RYR1: variants seen among roughly 807,000 people sequenced by gnomAD.
The protein encoded by RYR1 is central core disease of muscle.
RYR1 carries 342 observed loss-of-function variants against 583.5 expected under a neutral mutation model. The observed-to-expected ratio is 0.59, with a 90% CI of 0.54 to 0.64. The LOEUF (loss-of-function observed/expected upper bound fraction) is 0.64. Among genes scored for constraint, RYR1 ranks in the 30% least tolerant of loss-of-function variants. The probability of loss-of-function intolerance (pLI) is 0.00; values close to 1 mark genes in which losing one functional copy is unlikely to be tolerated. For missense variants in RYR1, 6,032 were observed against 6,917.2 expected, an observed-to-expected ratio of 0.87 and a Z score of 4.54; for synonymous variants, 2,791 against 2,822.5, an observed-to-expected ratio of 0.99 and a Z score of 0.35.
intron 20 of RYR1, among the ~76,000 whole-genome samples, chr19:38,463,137 A>G (rs7247169): frequency 0.54 from 28,363 of 52,508 alleles, 9,563 homozygotes; most frequent in Non-Finnish European, 0.61. Flanking sequence ...ACCTCAGGCG[A>G]TCTGCCCCCC....
intron 97 of RYR1, among the ~76,000 whole-genome samples, chr19:38,576,435 T>A (rs138641208): frequency 6.7e-6 from 1 of 149,762 alleles, no homozygotes; most frequent in African/African-American, 2.5e-5. Flanking sequence ...GGTGAAAGAG[T>A]GAGACCTCAT....
rs577203385 is a variant in RYR1 at position 38,467,701 on chromosome 19, G to A, written c.3270G>A (p.Glu1090=). 17 of 1,614,122 alleles carry A rather than the reference G, an allele frequency of 1.1e-5. No individual in the cohort carries two copies. Among genetic ancestry groups the A allele is most frequent in the Non-Finnish European group, 1.4e-5 (16 of 1,180,046 alleles). Residue 1090 remains glutamate (E), a synonymous_variant, in exon 25 of 106, where the codon GAG becomes GAA. Transcript: ENST00000359596. The stretch of plus-strand genomic sequence containing the variant: ...TGCAGAGCGGCCGCTGGTACTTCGA[G>A]TTTGAAGCAGTCACCACAGGCGAGA... ...YTVQSGRWYF[E]FEAVTTGEMR...
chr19:38,475,227 G>A (rs1968657166), intron 28 of RYR1, 91 bp from the exon 29 acceptor site: 8 of 1,513,226 alleles, frequency 5.3e-6, no homozygotes, highest in Admixed American at 3.9e-5. Flanking sequence ...GAAGCAGGGT[G>A]TATCCAAGCT....
chr19:38,580,184 G>T (rs1974135338), intron 100 of RYR1, 56 bp downstream of exon 100: 10 of 1,612,480 alleles, frequency 6.2e-6, no homozygotes, highest in African/African-American at 1.3e-5. Context: ...CGTGGCAGTG[G>T]GTGGTGAAGG....
chr19:38,570,380 CG>C (rs1314069291), intron 93 of RYR1, among the ~76,000 whole-genome samples: 2 of 144,352 alleles, frequency 1.4e-5, no homozygotes, highest in East Asian at 4.2e-4. Flanking sequence ...TGAACCCGGG[CG>C]GCAGAGGTTG....
Position 38,548,328 on chromosome 19 carries a change from T to C in RYR1, c.12190T>C (p.Phe4064Leu), listed in dbSNP as rs1601003804. ...VEMILKFFDM[F>L]LKLKDIVGSE... ...GATGATCCTCAAGTTCTTCGACATGTTCCTGAAACTCAAGGACATTGTGGG... is the reference window on the plus strand; with the variant it reads ...GATGATCCTCAAGTTCTTCGACATGCTCCTGAAACTCAAGGACATTGTGGG... The change falls in exon 89 of 106, where the codon TTC becomes CTC. Residue 4064 changes from phenylalanine (F) to leucine (L), a missense_variant. By Grantham distance (22) the Phe-to-Leu change is conservative. This residue lies in a region of RYR1 where 753 missense variants were observed against 759.6 expected (regional missense o/e 0.99). Transcript: ENST00000359596. The C allele has an allele frequency of 6.2e-7, 1 of 1,614,204 alleles. No homozygotes were observed. The highest frequency in any genetic ancestry group is 8.5e-7 in the Non-Finnish European group (1 of 1,180,030).
At chr19:38,519,980 G>A (rs1971149389) in intron 67 of RYR1, among the ~76,000 whole-genome samples, 1 of 150,856 alleles carries the variant, frequency 6.6e-6, no homozygotes, top group Admixed American at 6.6e-5. Context: ...GCTGGCCAGT[G>A]TGATTTTTTT....
intron 23 of RYR1, 152 bp from the exon 24 acceptor site, chr19:38,465,939 C>T: frequency 2.5e-6 from 2 of 800,818 alleles, no homozygotes; most frequent in Non-Finnish European, 4.0e-6. Flanking sequence ...GATCTCAAAA[C>T]TTATTCTAAA....
At chr19:38,585,204 C>A in intron 102 of RYR1, 105 bp downstream of exon 102, 1 of 1,365,918 alleles carries the variant, frequency 7.3e-7, no homozygotes, top group Non-Finnish European at 1.0e-6. Context: ...CCATCTCTAC[C>A]TCTCGCTACT....
rs768702294 is a variant in RYR1 at position 38,502,647 on chromosome 19, C to T, written c.7755C>T (p.Thr2585=). 1.4e-5 allele frequency: 23 copies of T among 1,612,478 alleles called. No individual in the cohort carries two copies. The East Asian group carries it at 2.5e-4, about 17-fold the overall frequency. ...TCATGGTGGACTCTATGCTGCATAC[C>T]GTGTACCGCCTGTCTCGGGGTCGTT... ...RAIMVDSMLH[T]VYRLSRGRSL... The change falls in exon 48 of 106, where the codon ACC becomes ACT. Residue 2585 remains threonine, a synonymous_variant. Transcript: ENST00000359596.
chr19:38,524,032 C>T (rs1418750778), intron 70 of RYR1, 103 bp downstream of exon 70: 9 of 1,338,134 alleles, frequency 6.7e-6, no homozygotes, highest in South Asian at 6.3e-5. Flanking sequence ...TTCTGTTCCC[C>T]ACCCCCGTCC....
In RYR1 at chr19:38,496,974, G is replaced by A. The variant is rs1270439729; in HGVS notation, c.6891+20G>A. 6.2e-7 allele frequency: 1 copy of A among 1,603,164 alleles called. No homozygotes were observed. Among genetic ancestry groups the A allele is most frequent in the Non-Finnish European group, 8.5e-7 (1 of 1,170,742 alleles). Reference sequence around the variant, plus strand: ...GAAAAGGTGTGGAGGGCAGGGCTGGGCCCCAGGCCTAAGGGAGGAAATCGG... The same window carrying A: ...GAAAAGGTGTGGAGGGCAGGGCTGGACCCCAGGCCTAAGGGAGGAAATCGG... On this transcript the variant is annotated intron_variant, in intron 42 of 105. Transcript: ENST00000359596. This position sits in a 1 kb window ranked among gnomAD's most constrained non-coding sequence, Gnocchi z 4.8.
At chr19:38,446,827 G>C (rs1972966676) in intron 9 of RYR1, 59 bp downstream of exon 9, 5 of 1,422,804 alleles carry the variant, frequency 3.5e-6, no homozygotes, top group Non-Finnish European at 4.9e-6. Flanking sequence ...GGCAGGCTGG[G>C]AGGACAGAAA....
At position 38,507,641 on chromosome 19, in the gene RYR1, C is replaced by T. The variant is rs555179381; in HGVS notation, c.8817-71C>T. 1.1e-4 allele frequency: 113 copies of T among 984,018 alleles called. No homozygotes were observed. The African/African-American group carries it at 1.4e-3, about 12-fold the overall frequency. The allele number at this position is 984,018 out of a possible 1,614,324, so 61.0% of individuals were successfully genotyped here. On this transcript the variant is annotated intron_variant, in intron 57 of 105. Transcript: ENST00000359596. ...GAGACGGGGCCAGCAGGAGCAGAGG[C>T]GGACCTGAGAAGGGTGGGAAACTGT...
intron 1 of RYR1, among the ~76,000 whole-genome samples, chr19:38,437,988 T>TA (rs11452334): frequency 0.58 from 80,743 of 139,852 alleles, 23,683 homozygotes; most frequent in Non-Finnish European, 0.66. Flanking sequence ...CCCAGTCTCT[T>TA]AAAAAAAAAA....
intron 67 of RYR1, among the ~76,000 whole-genome samples, chr19:38,520,266 A>G (rs912380161): frequency 2.0e-5 from 3 of 149,004 alleles, no homozygotes; most frequent in African/African-American, 7.4e-5. Flanking sequence ...GGGTCTCACT[A>G]TGTTGCCCAG....
intron 20 of RYR1, among the ~76,000 whole-genome samples, chr19:38,462,566 C>T (rs771680459): frequency 6.6e-6 from 1 of 152,050 alleles, no homozygotes; most frequent in Non-Finnish European, 1.5e-5. Context: ...TGCGGAACGC[C>T]AACACCGCTA....
chr19:38,543,522 C>G lies in RYR1; in HGVS notation c.11779-10C>G. 1 of 1,614,150 alleles carries G rather than the reference C, an allele frequency of 6.2e-7. No homozygotes were observed. The highest frequency in any genetic ancestry group is 8.5e-7 in the Non-Finnish European group (1 of 1,180,014). Reference sequence around the variant, plus strand: ...CCAGCACCCCCTCACACCCTACCCGCCCCCACCAGGAATCCATCAGCGACT... The same window carrying G: ...CCAGCACCCCCTCACACCCTACCCGGCCCCACCAGGAATCCATCAGCGACT... On this transcript the variant is annotated splice_polypyrimidine_tract_variant and intron_variant, in intron 85 of 105. Coordinates refer to ENST00000359596, the MANE Select transcript of RYR1 (RefSeq NM_000540.3). The surrounding 1 kb of genome is among the most constrained non-coding windows in gnomAD (Gnocchi z 4.4).
At chr19:38,535,968 A>G in intron 81 of RYR1, 29 bp from the exon 82 acceptor site, 1 of 1,605,972 alleles carries the variant, frequency 6.2e-7, no homozygotes, top group Non-Finnish European at 8.5e-7. Flanking sequence ...TTCATCACAT[A>G]CCCCCTATCT....
Sources: gnomAD v4.1 joint callset for allele counts (sites outside exome capture counted in the v4.1 genomes callset) on GRCh38, gnomAD v4.1.1 for gene constraint, gnomAD v4.1.1 regional missense constraint, Gnocchi (gnomAD v3.1) non-coding constraint, MANE v1.5 for transcripts, NCBI Gene and HGNC (gene_info 2026-07-23, HGNC 2026-07-21) for gene names.